Variants in GANAB observed in about 807,000 individuals in gnomAD.
The protein encoded by GANAB is glucosidase II alpha subunit.
A neutral mutation model predicts 129.9 loss-of-function variants in GANAB; 35 were observed. The ratio of observed to expected loss-of-function variants is 0.27; its 90% CI spans 0.21 to 0.36. GANAB has a LOEUF of 0.36. Ranked by LOEUF, GANAB falls within the 10% of genes least tolerant of loss-of-function variation. The pLI, the probability that GANAB is intolerant of heterozygous loss-of-function variation, is 1.00. For missense variants in GANAB, 939 were observed against 1,221.0 expected (o/e 0.77, Z 3.44); for synonymous variants, 482 against 451.8 (o/e 1.07, Z -0.85).
At chr11:62,633,126 A>T in intron 7 of GANAB, 25 bp from the exon 8 acceptor site, 1 of 1,603,174 alleles carries the variant, frequency 6.2e-7, no homozygotes, top group Non-Finnish European at 8.5e-7. Context: ...AACAAGCTTC[A>T]GAGCTTCTGC....
At chr11:62,626,715 G>A in intron 20 of GANAB, 31 bp from the exon 21 acceptor site, 1 of 1,483,524 alleles carries the variant, frequency 6.7e-7, no homozygotes, top group Non-Finnish European at 9.3e-7. Context: ...GGATGAAGTT[G>A]CCCCCTTGTC....
chr11:62,638,198 G>A (rs1181629142), intron 4 of GANAB, among the ~76,000 whole-genome samples: 1 of 152,196 alleles, frequency 6.6e-6, no homozygotes, highest in African/African-American at 2.4e-5. Context: ...CTGTCGCCCA[G>A]GCTGTAGTGC....
chr11:62,638,882 A>C, intron 4 of GANAB, 101 bp downstream of exon 4: 1 of 1,170,688 alleles, frequency 8.5e-7, no homozygotes. Flanking sequence ...ATGCTAGTTA[A>C]CTACTACCTT....
intron 13 of GANAB, 86 bp from the exon 14 acceptor site, chr11:62,630,043 C>A: frequency 6.8e-7 from 1 of 1,474,956 alleles, no homozygotes; most frequent in South Asian, 1.1e-5. Context: ...TCCTAGGAAT[C>A]TAAAAAGATG....
At chr11:62,627,678 G>C (rs775604579) in intron 17 of GANAB, among the ~76,000 whole-genome samples, 3 of 152,054 alleles carry the variant, frequency 2.0e-5, no homozygotes, top group Non-Finnish European at 2.9e-5. Flanking sequence ...TGCATTCAGT[G>C]AGCCAAGATC....
chr11:62,633,308 C>T lies in GANAB; in HGVS notation c.631-37G>A, dbSNP rs1943780605. ...AAAAGAGGACCACTCTCCAATCATA[C>T]CAGTTCTCTCTTTCCCCGCTCCCAT... On this transcript the variant is annotated intron_variant, in intron 6 of 23. Transcript: ENST00000356638. The T allele has an allele frequency of 5.7e-6, 9 of 1,568,596 alleles. No individual in the cohort carries two copies. In the South Asian group the frequency reaches 8.9e-5, roughly 15 times the overall value.
intron 20 of GANAB, 74 bp downstream of exon 20, chr11:62,626,786 C>CT: frequency 7.4e-7 from 1 of 1,344,654 alleles, no homozygotes; most frequent in Non-Finnish European, 1.1e-6. Context: ...GTACTGGACC[C>CT]TAAGGCACAC....
At chr11:62,629,173 C>T in intron 16 of GANAB, 21 bp downstream of exon 16, 2 of 1,586,616 alleles carry the variant, frequency 1.3e-6, no homozygotes, top group Non-Finnish European at 1.7e-6. Flanking sequence ...AACCAAGACC[C>T]CAAATTCCTC....
chr11:62,641,864 G>A (rs367749852), intron 1 of GANAB, among the ~76,000 whole-genome samples: 20 of 151,568 alleles, frequency 1.3e-4, no homozygotes, highest in Middle Eastern at 3.4e-3. Context: ...ACAGTTGCTC[G>A]CCACAGCACC....
chr11:62,638,807 G>A (rs905898089), intron 4 of GANAB, among the ~76,000 whole-genome samples, 176 bp downstream of exon 4: 6 of 152,126 alleles, frequency 3.9e-5, no homozygotes, highest in South Asian at 2.1e-4. Context: ...TGAGGATAAA[G>A]GGATAAAGAG....
Position 62,639,560 on chromosome 11 carries a change from G to A in GANAB, c.143+67C>T, listed in dbSNP as rs114783137. On this transcript the variant is annotated intron_variant, in intron 2 of 23. Transcript: ENST00000356638. ...TGCAGTGTCCTTAGGCACTCCATCT[G>A]CCACAGATATCTCCCACATTACCCT... is the stretch of plus-strand genomic sequence containing the variant. The A allele has an allele frequency of 6.9e-5, 99 of 1,437,902 alleles. No homozygotes were observed. In the African/African-American group the frequency reaches 1.3e-3, roughly 18 times the overall value. 89.1% of individuals were successfully genotyped at this position (1,437,902 alleles called of 1,614,324 possible).
Position 62,627,350 on chromosome 11 carries a change from G to A in GANAB, c.2184C>T (p.Pro728=), listed in dbSNP as rs1345936688. Residue 728 remains proline (P), a synonymous_variant, in exon 18 of 24, where the codon CCC becomes CCT. Transcript: ENST00000356638. The stretch of plus-strand genomic sequence containing the variant: ...CATCCTGAGGGTACTGCACCCACAG[G>A]GGCCTAGGAAGGAAGAAAGACAATA... ...AHREGIPVMR[P]LWVQYPQDVT... The A allele has an allele frequency of 2.6e-6, 4 of 1,536,240 alleles. No homozygotes were observed. The Admixed American group carries it at 5.0e-5, about 19-fold the overall frequency.
At position 62,643,236 on chromosome 11, in the gene GANAB, T is replaced by C. The variant is rs1345321869; in HGVS notation, c.38+3326A>G. On this transcript the variant is annotated intron_variant, in intron 1 of 23. Coordinates refer to ENST00000356638, the MANE Select transcript of GANAB (RefSeq NM_198334.3). The stretch of plus-strand genomic sequence containing the variant: ...TCTGTTAAGAATCAGCCAGGCATGG[T>C]AGCTCACACCTATAATCTTGGCACT... 2.6e-5 allele frequency among the ~76,000 whole-genome samples: 4 copies of C among 152,232 alleles called. No homozygotes were observed. In the East Asian group the frequency reaches 7.7e-4, roughly 29 times the overall value.
chr11:62,634,130 C>T (rs564012655), intron 5 of GANAB, among the ~76,000 whole-genome samples: 68 of 152,274 alleles, frequency 4.5e-4, no homozygotes, highest in African/African-American at 1.6e-3. Context: ...CAGTATCTCA[C>T]CTTCCTTCTT....
rs559806834 is a variant in GANAB, at chr11:62,627,435, GA to G, written c.2181-83del. 189 of 798,764 alleles carry G rather than the reference GA, an allele frequency of 2.4e-4. 1 individual carries two copies. In the African/African-American group the frequency reaches 2.9e-3, roughly 12 times the overall value. The allele number at this position is 798,764 out of a possible 1,614,324, so 49.5% of individuals were successfully genotyped here. On this transcript the variant is annotated intron_variant, in intron 17 of 23. Coordinates refer to ENST00000356638, the MANE Select transcript of GANAB (RefSeq NM_198334.3). The stretch of plus-strand genomic sequence containing the variant: ...ATGCTCCTCCAGGAACTGGCAATAA[GA>G]AAAGAACAGCATAGGCCGGGTGTGG...
chr11:62,639,769 G>A (rs1465315119), intron 1 of GANAB, 38 bp from the exon 2 acceptor site: 1 of 1,408,888 alleles, frequency 7.1e-7, no homozygotes, highest in South Asian at 1.2e-5. Context: ...AATCAGCATG[G>A]AGGTCAGAAG....
rs376167110 is a variant in GANAB, at chr11:62,640,007, G to A, written c.39-276C>T. The stretch of plus-strand genomic sequence containing the variant: ...TCCCAGCACTTTGGGAGGCTGCGGC[G>A]GGCGGATCACGAGGTCAGGAGATCA... On this transcript the variant is annotated intron_variant, in intron 1 of 23. Coordinates refer to ENST00000356638, the MANE Select transcript of GANAB (RefSeq NM_198334.3). 1.9e-4 allele frequency: 67 copies of A among 358,016 alleles called. No homozygotes were observed. The South Asian group carries it at 1.9e-3, about 10-fold the overall frequency. 22.2% of individuals were successfully genotyped at this position (358,016 alleles called of 1,614,324 possible).
intron 17 of GANAB, among the ~76,000 whole-genome samples, chr11:62,627,620 TA>T (rs1254560291): frequency 6.6e-6 from 1 of 152,066 alleles, no homozygotes; most frequent in Non-Finnish European, 1.5e-5. Context: ...TGATCCCAGC[TA>T]CTCAGGAGGC....
At chr11:62,625,947 C>T in intron 23 of GANAB, 23 bp from the exon 24 acceptor site, 1 of 1,543,144 alleles carries the variant, frequency 6.5e-7, no homozygotes, top group Non-Finnish European at 9.0e-7. Context: ...TAAAAGAGTG[C>T]CATAGTCATA....
Sources: allele counts gnomAD v4.1 joint callset (sites outside exome capture counted in the v4.1 genomes callset), GRCh38; gene constraint gnomAD v4.1.1; transcripts MANE v1.5; gene names NCBI Gene and HGNC (gene_info 2026-07-23, HGNC 2026-07-21).